PPP1R10: variants seen among roughly 807,000 people sequenced by gnomAD.
PPP1R10 encodes protein phosphatase 1 regulatory subunit 10.
PPP1R10 carries 15 observed loss-of-function variants against 99.0 expected under a neutral mutation model. That is an observed-to-expected ratio of 0.15 (90% CI 0.10 to 0.23). PPP1R10 has a LOEUF of 0.23. Among genes scored for constraint, PPP1R10 ranks in the 10% least tolerant of loss-of-function variants. The pLI is 1.00. For synonymous variants in PPP1R10, 430 were observed against 449.5 expected (o/e 0.96, Z 0.55); for missense variants, 947 against 1,259.4 (o/e 0.75, Z 3.75).
chr6:30,610,007 G>T, intron 2 of PPP1R10, 52 bp from the exon 3 acceptor site: 1 of 1,206,188 alleles, frequency 8.3e-7, no homozygotes, highest in Non-Finnish European at 1.2e-6. Context: ...GGGTGGCAAG[G>T]ACTACCCGAG....
chr6:30,602,564 AC>A lies in PPP1R10; in HGVS notation c.2084del (p.Gly695ValfsTer222), dbSNP rs760405117. On this transcript the variant is annotated frameshift_variant, in exon 19 of 20. Transcript: ENST00000376511. LOFTEE classifies it high-confidence loss of function. This position sits in a 1 kb window ranked among gnomAD's most constrained non-coding sequence, Gnocchi z 6.7. ...DPMRGGPMRG[G>X]PGPGPGPYHR... ...GGTATGGTCCAGGACCTGGTCCTGG[AC>A]CCCCCCGCATTGGGCCACCCCGCAT... is the stretch of plus-strand genomic sequence containing the variant. The A allele has an allele frequency of 6.5e-6, 10 of 1,533,034 alleles. No individual in the cohort carries two copies. The highest frequency in any genetic ancestry group is 6.3e-5 in the Admixed American group (3 of 47,860). 95.0% of individuals were successfully genotyped at this position (1,533,034 alleles called of 1,614,324 possible).
Position 30,603,591 on chromosome 6 carries a change from C to G in PPP1R10, c.1648G>C (p.Gly550Arg). 1.2e-6 allele frequency: 2 copies of G among 1,614,050 alleles called. No individual in the cohort carries two copies. The change falls in exon 16 of 20, where the codon GGA becomes CGA. Residue 550 changes from glycine (G) to arginine (R), a missense_variant. By Grantham distance (125) the Gly-to-Arg change is moderately radical (BLOSUM62 -2). Around this residue, in one of 10 missense-constraint regions of PPP1R10, gnomAD observed 525 missense variants for 578.8 expected, o/e 0.91. Transcript: ENST00000376511. Reference sequence around the variant, plus strand: ...AGAACTGGAGGCAACTTGGAGCCTCCTGCCCCATCAGGTGAGCCACCTGAC... The same window carrying G: ...AGAACTGGAGGCAACTTGGAGCCTCGTGCCCCATCAGGTGAGCCACCTGAC... ...GGSGGSPDGA[G>R]GSKLPPVLAN... is the part of the protein sequence containing the mutation.
At position 30,602,509 on chromosome 6, in the gene PPP1R10, C is replaced by T. The variant is rs931464942; in HGVS notation, c.2140G>A (p.Glu714Lys). The T allele has an allele frequency of 4.5e-6, 7 of 1,571,312 alleles. No individual in the cohort carries two copies. The highest frequency in any genetic ancestry group is 2.3e-5 in the South Asian group (2 of 86,278). Residue 714 changes from glutamate to lysine, a missense_variant, in exon 19 of 20, where the codon GAA becomes AAA. Transcript: ENST00000376511. The surrounding 1 kb of genome is among the most constrained non-coding windows in gnomAD (Gnocchi z 6.7). ...HRGRGGRGGN[E>K]PPPPPPPFRG... ...AATGGAGGAGGAGGAGGAGGAGGTTCGTTTCCTCCTCGGCCACCTCGGCCT... is the reference window on the plus strand; with the variant it reads ...AATGGAGGAGGAGGAGGAGGAGGTTTGTTTCCTCCTCGGCCACCTCGGCCT...
chr6:30,600,457 CA>C lies in PPP1R10; in HGVS notation c.*1091del, dbSNP rs542567883. On this transcript the variant is annotated 3_prime_UTR_variant, in exon 20 of 20. Transcript: ENST00000376511. ...TATTAATGTACAAAATATACAAAAC[CA>C]AAAAAAAAAATACTCATCCTCAAAT... is the stretch of plus-strand genomic sequence containing the variant. 1.1e-3 allele frequency: 161 copies of C among 146,006 alleles called. No individual in the cohort carries two copies. Among genetic ancestry groups the C allele is most frequent in the African/African-American group, 2.2e-3 (88 of 40,094 alleles). The allele number at this position is 146,006 out of a possible 1,614,324, so 9.0% of individuals were successfully genotyped here.
At chr6:30,610,455 T>A (rs1804447330) in intron 2 of PPP1R10, among the ~76,000 whole-genome samples, 4 of 152,234 alleles carry the variant, frequency 2.6e-5, no homozygotes, top group Admixed American at 2.6e-4. Context: ...GTCCTTTTTA[T>A]CTTAGCCCAT....
At chr6:30,607,953 T>A in intron 5 of PPP1R10, 62 bp from the exon 6 acceptor site, 7 of 1,453,050 alleles carry the variant, frequency 4.8e-6, no homozygotes, top group Non-Finnish European at 6.7e-6. Context: ...CACTTAGAGC[T>A]AAAAACGACA....
chr6:30,602,635 G>T lies in PPP1R10; in HGVS notation c.2014C>A (p.Pro672Thr), dbSNP rs370409407. 1.9e-6 allele frequency: 3 copies of T among 1,594,178 alleles called. No homozygotes were observed. The highest frequency in any genetic ancestry group is 3.5e-5 in the Admixed American group (2 of 57,080). Residue 672 changes from proline (P) to threonine (T), a missense_variant, in exon 19 of 20, where the codon CCT becomes ACT. Physicochemically the swap from Pro to Thr is conservative, Grantham distance 38. Transcript: ENST00000376511. The surrounding 1 kb of genome is among the most constrained non-coding windows in gnomAD (Gnocchi z 6.7). ...VGPRLLGPPP[P>T]PRGGDPFWDG... ...CAGAAGGGATCACCTCCCCGGGGAG[G>T]GGGTGGAGGACCCAGAAGACGTGGA...
Position 30,606,643 on chromosome 6 carries a change from T to A in PPP1R10, c.461-2A>T. ...CTTTACGTTTCTTCTTATCTTTCTCTGTTGTGAAAAAACAAAGCAGAAAAG... is the reference window on the plus strand; with the variant it reads ...CTTTACGTTTCTTCTTATCTTTCTCAGTTGTGAAAAAACAAAGCAGAAAAG... On this transcript the variant is annotated splice_acceptor_variant, in intron 7 of 19. Coordinates refer to ENST00000376511, the MANE Select transcript of PPP1R10 (RefSeq NM_002714.4). LOFTEE classifies it high-confidence loss of function. The surrounding 1 kb of genome is among the most constrained non-coding windows in gnomAD (Gnocchi z 6.3). 1 of 1,614,010 alleles carries A rather than the reference T, an allele frequency of 6.2e-7. No individual in the cohort carries two copies. The highest frequency in any genetic ancestry group is 8.5e-7 in the Non-Finnish European group (1 of 1,179,996).
chr6:30,603,064 C>A, intron 17 of PPP1R10, 105 bp from the exon 18 acceptor site: 1 of 1,363,000 alleles, frequency 7.3e-7, no homozygotes, highest in Admixed American at 2.0e-5. Flanking sequence ...CCTGGCAGAG[C>A]AATGCTCTCT....
Position 30,600,469 on chromosome 6 carries a change from T to C in PPP1R10, c.*1080A>G, listed in dbSNP as rs571613363. 1 of 151,474 alleles carries C rather than the reference T, an allele frequency of 6.6e-6. No individual in the cohort carries two copies. Among genetic ancestry groups the C allele is most frequent in the Non-Finnish European group, 1.5e-5 (1 of 67,850 alleles). The allele number at this position is 151,474 out of a possible 1,614,324, so 9.4% of individuals were successfully genotyped here. A position where few individuals can be genotyped will look rare whatever the true frequency, so the allele number is the denominator to read the frequency against. On this transcript the variant is annotated 3_prime_UTR_variant, in exon 20 of 20. Coordinates refer to ENST00000376511, the MANE Select transcript of PPP1R10 (RefSeq NM_002714.4). The stretch of plus-strand genomic sequence containing the variant: ...AAATATACAAAACCAAAAAAAAAAA[T>C]ACTCATCCTCAAATCCATTTTGGCT...
chr6:30,603,176 C>T, intron 17 of PPP1R10, 34 bp downstream of exon 17: 2 of 1,579,966 alleles, frequency 1.3e-6, no homozygotes, highest in Non-Finnish European at 1.7e-6. Context: ...CAGGCTTCCT[C>T]CCCCAGTCCC....
chr6:30,607,804 A>G, intron 6 of PPP1R10, 36 bp downstream of exon 6: 1 of 1,590,840 alleles, frequency 6.3e-7, no homozygotes, highest in Admixed American at 1.7e-5. Context: ...GAAGTAATAG[A>G]GAAAAGCCCA....
chr6:30,610,168 T>A (rs1215168240), intron 2 of PPP1R10, among the ~76,000 whole-genome samples: 1 of 152,218 alleles, frequency 6.6e-6, no homozygotes, highest in African/African-American at 2.4e-5. Flanking sequence ...GGAGCATATG[T>A]GACTGAACAG....
In PPP1R10 at chr6:30,606,554, C is replaced by T. The variant is rs753652195; in HGVS notation, c.548G>A (p.Arg183Gln). The stretch of plus-strand genomic sequence containing the variant: ...CTTCTTCTCTGGGGCCTCCTCAGCC[C>T]GGGTCTCAGCCTTCACCTCTGTCAA... ...RPLTEVKAET[R>Q]AEEAPEKKRE... The change falls in exon 8 of 20, where the codon CGG becomes CAG. Residue 183 changes from arginine to glutamine, a missense_variant. Transcript: ENST00000376511. This position sits in a 1 kb window ranked among gnomAD's most constrained non-coding sequence, Gnocchi z 6.3. The T allele has an allele frequency of 1.2e-5, 20 of 1,614,014 alleles. No individual in the cohort carries two copies. Among genetic ancestry groups the T allele is most frequent in the Middle Eastern group, 1.7e-4 (1 of 6,060 alleles).
intron 2 of PPP1R10, among the ~76,000 whole-genome samples, chr6:30,613,666 A>C (rs1036380628): frequency 1.1e-4 from 17 of 152,332 alleles, no homozygotes; most frequent in Admixed American, 1.0e-3. Context: ...CTCTGGCCAC[A>C]AACTACAAGG....
rs566174560 is a variant in PPP1R10, at chr6:30,607,047, G to A, written c.383-191C>T. Among the ~76,000 whole-genome samples the A allele has an allele frequency of 2.6e-5, 4 of 152,324 alleles. No individual in the cohort carries two copies. In the East Asian group the frequency reaches 7.7e-4, roughly 29 times the overall value. On this transcript the variant is annotated intron_variant, in intron 6 of 19. Coordinates refer to ENST00000376511, the MANE Select transcript of PPP1R10 (RefSeq NM_002714.4). Reference sequence around the variant, plus strand: ...AAATGGAACAATGAATTAGAGTTGTGTTCTACTTGGATAACTTTCAACTCT... The same window carrying A: ...AAATGGAACAATGAATTAGAGTTGTATTCTACTTGGATAACTTTCAACTCT...
chr6:30,613,366 CTTAA>C (rs1364237043), intron 2 of PPP1R10, among the ~76,000 whole-genome samples: 1 of 152,142 alleles, frequency 6.6e-6, no homozygotes, highest in African/African-American at 2.4e-5. Context: ...CCAAATTTAC[CTTAA>C]TTTAGAGGCA....
chr6:30,615,148 G>A (rs1760328139), intron 2 of PPP1R10, among the ~76,000 whole-genome samples: 1 of 149,780 alleles, frequency 6.7e-6, no homozygotes, highest in Non-Finnish European at 1.5e-5. Flanking sequence ...ACGCCATTTT[G>A]TAATGGAGAA....
intron 19 of PPP1R10, 41 bp from the exon 20 acceptor site, chr6:30,601,699 G>A: frequency 5.8e-6 from 9 of 1,559,678 alleles, no homozygotes; most frequent in Non-Finnish European, 7.9e-6. Flanking sequence ...GGAAATAGCT[G>A]AGGGCAATGC....
Sources: gnomAD v4.1 joint callset for allele counts (sites outside exome capture counted in the v4.1 genomes callset) on GRCh38, gnomAD v4.1.1 for gene constraint, gnomAD v4.1.1 regional missense constraint, Gnocchi (gnomAD v3.1) non-coding constraint, MANE v1.5 for transcripts, NCBI Gene and HGNC (gene_info 2026-07-23, HGNC 2026-07-21) for gene names.